CHST12: variants seen among roughly 807,000 people sequenced by gnomAD.
CHST12 encodes the protein carbohydrate (chondroitin 4) sulfotransferase 12.
CHST12 carries 23 observed loss-of-function variants against 27.9 expected under a neutral mutation model. The observed-to-expected ratio is 0.82, with a 90% CI of 0.59 to 1.17. The LOEUF (loss-of-function observed/expected upper bound fraction) is 1.17, where lower values mean the gene tolerates loss of function less well. CHST12 is among the 50% of genes most tolerant of loss of function. The pLI is 0.00. For missense variants in CHST12, 682 were observed against 603.0 expected, an observed-to-expected ratio of 1.13 and a Z score of -1.37; for synonymous variants, 322 against 273.0, an observed-to-expected ratio of 1.18 and a Z score of -1.77.
rs1782544081 is a variant in CHST12 at position 2,439,207 on chromosome 7, C to CTGAT, written c.*5323_*5324insTGAT. ...TGATAAACTAGGGTTGAAGGAGTTC[C>CTGAT]ATCAGTGAAGAGAGAAGCCACGTGA... On this transcript the variant is annotated 3_prime_UTR_variant, in exon 2 of 2. Coordinates refer to ENST00000618655, the MANE Select transcript of CHST12 (RefSeq NM_018641.5). 6.6e-6 allele frequency: 1 copy of CTGAT among 152,112 alleles called. No individual in the cohort carries two copies. The highest frequency in any genetic ancestry group is 2.4e-5 in the African/African-American group (1 of 41,422). The allele number at this position is 152,112 out of a possible 1,614,324, so 9.4% of individuals were successfully genotyped here.
At position 2,443,756 on chromosome 7, in the gene CHST12, G is replaced by T. The variant is rs991636838; in HGVS notation, c.*9872G>T. The T allele has an allele frequency of 6.6e-6, 1 of 152,166 alleles. No individual in the cohort carries two copies. The highest frequency in any genetic ancestry group is 2.4e-5 in the African/African-American group (1 of 41,428). 9.4% of individuals were successfully genotyped at this position (152,166 alleles called of 1,614,324 possible). On this transcript the variant is annotated 3_prime_UTR_variant, in exon 2 of 2. Transcript: ENST00000618655. ...TCTGGCGGACAGTCAGGTATGCTGA[G>T]GGAGACACTGTTCTCAAACTCCAGG...
At chr7:2,413,276 G>T (rs1781714683) in intron 1 of CHST12, among the ~76,000 whole-genome samples, 1 of 152,192 alleles carries the variant, frequency 6.6e-6, no homozygotes, top group Admixed American at 6.5e-5. Flanking sequence ...CTTCTGTACT[G>T]TGGAAATTGG....
In CHST12 at chr7:2,433,309, G is replaced by T; in HGVS notation, c.670G>T (p.Gly224Trp). 2.5e-6 allele frequency: 4 copies of T among 1,612,582 alleles called. No homozygotes were observed. The highest frequency in any genetic ancestry group is 3.4e-6 in the Non-Finnish European group (4 of 1,179,500). Residue 224 changes from glycine to tryptophan, a missense_variant, in exon 2 of 2, where the codon GGG (glycine) becomes TGG (tryptophan). By Grantham distance (184) the Gly-to-Trp change is radical (BLOSUM62 -2). Coordinates refer to ENST00000618655, the MANE Select transcript of CHST12 (RefSeq NM_018641.5). This position sits in a 1 kb window ranked among gnomAD's most constrained non-coding sequence, Gnocchi z 6.1. ...LTFNKFWRRY[G>W]KLSRHLMKVK... ...CTTCAACAAGTTCTGGCGCCGCTAC[G>T]GGAAGCTCTCCCGCCACCTCATGAA...
chr7:2,423,559 A>G (rs1419133903), intron 1 of CHST12, among the ~76,000 whole-genome samples: 1 of 152,162 alleles, frequency 6.6e-6, no homozygotes, highest in Admixed American at 6.5e-5. Flanking sequence ...ATGCTGGTGC[A>G]CTACAGGCCA....
rs1360268896 is a variant in CHST12 at position 2,415,643 on chromosome 7, C to T, written c.-78+11970C>T. 1.1e-4 allele frequency among the ~76,000 whole-genome samples: 16 copies of T among 148,518 alleles called. No homozygotes were observed. The East Asian group carries it at 3.2e-3, about 30-fold the overall frequency. ...CTTTTTTTTTTTTTTGAGGCAGAGT[C>T]GCTCTGTCGCCCAGGCTGGAGTGCA... On this transcript the variant is annotated intron_variant, in intron 1 of 1. Coordinates refer to ENST00000618655, the MANE Select transcript of CHST12 (RefSeq NM_018641.5).
intron 1 of CHST12, among the ~76,000 whole-genome samples, 155 bp downstream of exon 1, chr7:2,403,828 G>C (rs1051203491): frequency 6.6e-6 from 1 of 151,758 alleles, no homozygotes; most frequent in African/African-American, 2.4e-5. Flanking sequence ...TTGGGCCTGG[G>C]TTCGAGTTCC....
intron 1 of CHST12, among the ~76,000 whole-genome samples, chr7:2,426,287 G>T (rs1025110697): frequency 8.5e-5 from 13 of 152,286 alleles, no homozygotes; most frequent in African/African-American, 3.1e-4. Context: ...AGGCTGATGT[G>T]ATGGGGGCCT....
intron 1 of CHST12, among the ~76,000 whole-genome samples, chr7:2,408,016 G>C (rs1272218446): frequency 6.6e-6 from 1 of 152,160 alleles, no homozygotes; most frequent in African/African-American, 2.4e-5. Context: ...GTGAGAGCTT[G>C]GGAGGGGAAG....
At chr7:2,405,542 G>A (rs1280845441) in intron 1 of CHST12, among the ~76,000 whole-genome samples, 1 of 152,182 alleles carries the variant, frequency 6.6e-6, no homozygotes, top group African/African-American at 2.4e-5. Context: ...GCGATTAGAT[G>A]TGTTTCAGAA....
At chr7:2,405,996 A>C (rs1438727221) in intron 1 of CHST12, among the ~76,000 whole-genome samples, 1 of 152,126 alleles carries the variant, frequency 6.6e-6, no homozygotes, top group African/African-American at 2.4e-5. Context: ...ACGCACAGTC[A>C]TTGAGGCTGG....
chr7:2,416,583 G>T (rs958811245), intron 1 of CHST12, among the ~76,000 whole-genome samples: 2 of 152,238 alleles, frequency 1.3e-5, no homozygotes, highest in African/African-American at 4.8e-5. Context: ...AATGGATGTT[G>T]TGTTAGCAGG....
intron 1 of CHST12, among the ~76,000 whole-genome samples, chr7:2,418,390 T>C (rs1384465883): frequency 6.6e-6 from 1 of 152,206 alleles, no homozygotes; most frequent in Non-Finnish European, 1.5e-5. Flanking sequence ...CGGATGATGC[T>C]TCTAGGTGAA....
Position 2,427,819 on chromosome 7 carries a change from T to A in CHST12, c.-77-4744T>A, listed in dbSNP as rs961082004. Among the ~76,000 whole-genome samples the A allele has an allele frequency of 1.4e-4, 21 of 152,212 alleles. No individual in the cohort carries two copies. The South Asian group carries it at 4.4e-3, about 32-fold the overall frequency. ...ACTTGGTCATGCCGTGACTCCTTTT[T>A]GTTTGTTTGTTTTTTGAGATGGAGT... On this transcript the variant is annotated intron_variant, in intron 1 of 1. Coordinates refer to ENST00000618655, the MANE Select transcript of CHST12 (RefSeq NM_018641.5).
chr7:2,416,470 G>A (rs373527805), intron 1 of CHST12, among the ~76,000 whole-genome samples: 9 of 152,304 alleles, frequency 5.9e-5, no homozygotes, highest in South Asian at 2.1e-4. Flanking sequence ...ACTTTGCCCA[G>A]ATCCTACAGA....
At position 2,441,885 on chromosome 7, in the gene CHST12, A is replaced by G. The variant is rs962920949; in HGVS notation, c.*8001A>G. 6.6e-6 allele frequency: 1 copy of G among 152,186 alleles called. No individual in the cohort carries two copies. The highest frequency in any genetic ancestry group is 1.5e-5 in the Non-Finnish European group (1 of 68,046). 9.4% of individuals were successfully genotyped at this position (152,186 alleles called of 1,614,324 possible). ...TCTTTTAAAAGTTGTGGTAAGATAC[A>G]TGCAACATAAAATGTGCCCTCTTCC... On this transcript the variant is annotated 3_prime_UTR_variant, in exon 2 of 2. Coordinates refer to ENST00000618655, the MANE Select transcript of CHST12 (RefSeq NM_018641.5).
rs761528759 is a variant in CHST12, at chr7:2,433,730, TC to T, written c.1097del (p.Pro366ArgfsTer63). ...QLLQVDRQLR[F>X]PPSYRNRTAS... is the part of the protein sequence containing the mutation. ...CTCCAGGTGGACCGGCAGCTCCGCT[TC>T]CCCCCGAGCTACCGGAACAGGACCG... On this transcript the variant is annotated frameshift_variant, in exon 2 of 2. Coordinates refer to ENST00000618655, the MANE Select transcript of CHST12 (RefSeq NM_018641.5). LOFTEE classifies it high-confidence loss of function. This position sits in a 1 kb window ranked among gnomAD's most constrained non-coding sequence, Gnocchi z 6.1. 1 of 1,613,440 alleles carries T rather than the reference TC, an allele frequency of 6.2e-7. No homozygotes were observed. The highest frequency in any genetic ancestry group is 8.5e-7 in the Non-Finnish European group (1 of 1,179,886).
Position 2,410,395 on chromosome 7 carries a change from C to T in CHST12, c.-78+6722C>T, listed in dbSNP as rs532748136. ...AGGCATGGTGGCTCACGCCTGTAAT[C>T]CTGACATTTTGGGAGGCTGAGGCAG... On this transcript the variant is annotated intron_variant, in intron 1 of 1. Transcript: ENST00000618655. Among the ~76,000 whole-genome samples the T allele has an allele frequency of 1.4e-3, 218 of 152,286 alleles. 1 individual carries two copies. In the South Asian group the frequency reaches 0.022, roughly 15 times the overall value.
rs17132405 is a variant in CHST12 at position 2,433,081 on chromosome 7, G to A, written c.442G>A (p.Asp148Asn). The A allele has an allele frequency of 4.3e-6, 7 of 1,612,334 alleles. No individual in the cohort carries two copies. The highest frequency in any genetic ancestry group is 4.2e-6 in the Non-Finnish European group (5 of 1,179,686). The change falls in exon 2 of 2, where the codon GAC becomes AAC. Residue 148 changes from aspartate to asparagine, a missense_variant. Asp to Asn is a conservative substitution (Grantham distance 23). Coordinates refer to ENST00000618655, the MANE Select transcript of CHST12 (RefSeq NM_018641.5). The surrounding 1 kb of genome is among the most constrained non-coding windows in gnomAD (Gnocchi z 6.1). The part of the protein sequence containing the change: ...AFPTKERAFD[D>N]IPNSELSHLI... ...CCCCACCAAGGAGCGCGCATTCGAC[G>A]ACATCCCCAACTCGGAGCTGAGCCA...
At chr7:2,423,046 C>T (rs1400384162) in intron 1 of CHST12, among the ~76,000 whole-genome samples, 1 of 151,838 alleles carries the variant, frequency 6.6e-6, no homozygotes, top group Non-Finnish European at 1.5e-5. Flanking sequence ...GAGGCTGAGG[C>T]ACTTGGATCA....
Sources: gnomAD v4.1 joint callset for allele counts (sites outside exome capture counted in the v4.1 genomes callset) on GRCh38, gnomAD v4.1.1 for gene constraint, Gnocchi (gnomAD v3.1) non-coding constraint, MANE v1.5 for transcripts, NCBI Gene and HGNC (gene_info 2026-07-23, HGNC 2026-07-21) for gene names.